Variants in TTC21B observed in about 807,000 individuals in gnomAD.
TTC21B encodes the protein tetratricopeptide repeat protein 21B.
In TTC21B, 127 loss-of-function variants were observed where a neutral mutation model predicts 175.1. The ratio of observed to expected loss-of-function variants is 0.73; its 90% CI spans 0.63 to 0.84. The LOEUF (loss-of-function observed/expected upper bound fraction) is 0.84, where lower values mean the gene tolerates loss of function less well. Ranked by LOEUF, TTC21B falls within the 40% of genes least tolerant of loss-of-function variation. TTC21B has a pLI of 0.00. For missense variants in TTC21B, 1,561 were observed against 1,558.3 expected, an observed-to-expected ratio of 1.00 and a Z score of -0.03; for synonymous variants, 524 against 524.5, an observed-to-expected ratio of 1.00 and a Z score of 0.01.
At chr2:165,942,208 A>G (rs1433188144) in intron 5 of TTC21B, among the ~76,000 whole-genome samples, 4 of 152,194 alleles carry the variant, frequency 2.6e-5, no homozygotes, top group Non-Finnish European at 2.9e-5. Context: ...GACATTAACA[A>G]AAGTCAAGAC....
chr2:165,898,101 G>C lies in TTC21B; in HGVS notation c.2950+585C>G, dbSNP rs534611481. Among the ~76,000 whole-genome samples, 9 of 152,264 alleles carry C rather than the reference G, an allele frequency of 5.9e-5. No individual in the cohort carries two copies. The East Asian group carries it at 1.7e-3, about 29-fold the overall frequency. On this transcript the variant is annotated intron_variant, in intron 22 of 28. Transcript: ENST00000243344. ...GCATAGTAATTGGGAGGGGATGAGA[G>C]TTAAGAGTTGATTTTTATTGACTGA...
At chr2:165,917,583 A>AAGATGGACTGT in intron 13 of TTC21B, 102 bp from the exon 14 acceptor site, 1 of 953,248 alleles carries the variant, frequency 1.0e-6, no homozygotes, top group Non-Finnish European at 1.6e-6. Context: ...AGAACAGTCC[A>AAGATGGACTGT]TCTTTGATTG....
At chr2:165,936,458 G>A (rs1687149049) in intron 6 of TTC21B, among the ~76,000 whole-genome samples, 1 of 151,976 alleles carries the variant, frequency 6.6e-6, no homozygotes, top group Non-Finnish European at 1.5e-5. Flanking sequence ...GAGTTGATAA[G>A]CTGGACTTCA....
In TTC21B at chr2:165,929,311, GA is replaced by G. The variant is rs1379790552; in HGVS notation, c.1209del (p.Ala405ProfsTer2). 6.2e-7 allele frequency: 1 copy of G among 1,609,832 alleles called. No homozygotes were observed. The highest frequency in any genetic ancestry group is 1.3e-5 in the African/African-American group (1 of 74,926). ...TGTCGTTTATTTTTCTTCATGGCAA[GA>G]ACTGCATGTAAATAGATTAATTCCT... ...KSAELIYLHAVLAMKKNKRQE... is the reference protein window; with the variant it reads ...KSAELIYLHAXLAMKKNKRQE... On this transcript the variant is annotated frameshift_variant, in exon 11 of 29. Coordinates refer to ENST00000243344, the MANE Select transcript of TTC21B (RefSeq NM_024753.5). LOFTEE classifies it high-confidence loss of function.
intron 22 of TTC21B, among the ~76,000 whole-genome samples, chr2:165,893,669 T>C (rs1685269922): frequency 6.6e-6 from 1 of 152,094 alleles, no homozygotes; most frequent in Non-Finnish European, 1.5e-5. Context: ...GTGGCAAGCA[T>C]GCAGTGCTAT....
intron 6 of TTC21B, chr2:165,934,622 T>A (rs1326118594): frequency 2.0e-5 from 3 of 149,578 alleles, no homozygotes; most frequent in Non-Finnish European, 3.0e-5. Context: ...AAAAAGCATA[T>A]TTAGAACCAG....
At chr2:165,929,468 G>A in intron 10 of TTC21B, 133 bp from the exon 11 acceptor site, 1 of 930,488 alleles carries the variant, frequency 1.1e-6, no homozygotes, top group Non-Finnish European at 1.6e-6. Flanking sequence ...AGCTTGAATA[G>A]ACTTTTAGAA....
chr2:165,878,999 G>A (rs897800683), intron 27 of TTC21B, among the ~76,000 whole-genome samples: 6 of 151,990 alleles, frequency 3.9e-5, no homozygotes, highest in African/African-American at 1.4e-4. Flanking sequence ...TGATTTTAAG[G>A]GTTTTCTGAC....
At chr2:165,910,838 T>C (rs1250421033) in intron 18 of TTC21B, among the ~76,000 whole-genome samples, 1 of 151,990 alleles carries the variant, frequency 6.6e-6, no homozygotes, top group Non-Finnish European at 1.5e-5. Context: ...AGAGTAACAG[T>C]TTCGCACAGG....
At chr2:165,905,600 G>A (rs1455834324) in intron 19 of TTC21B, among the ~76,000 whole-genome samples, 2 of 152,090 alleles carry the variant, frequency 1.3e-5, no homozygotes, top group Non-Finnish European at 2.9e-5. Context: ...GGAAGATATT[G>A]TAATTCTAAA....
rs759999576 is a variant in TTC21B at position 165,891,000 on chromosome 2, TA to T, written c.2951-13del. ...TGTCATATAATTATCTAGAAACAAATAATACTTCAGATATGGGCACCATTTT... is the reference window on the plus strand; with the variant it reads ...TGTCATATAATTATCTAGAAACAAATATACTTCAGATATGGGCACCATTTT... On this transcript the variant is annotated splice_polypyrimidine_tract_variant and intron_variant, in intron 22 of 28. Coordinates refer to ENST00000243344, the MANE Select transcript of TTC21B (RefSeq NM_024753.5). 1 of 1,605,250 alleles carries T rather than the reference TA, an allele frequency of 6.2e-7. No individual in the cohort carries two copies. Among genetic ancestry groups the T allele is most frequent in the African/African-American group, 1.3e-5 (1 of 74,732 alleles).
chr2:165,931,589 C>G (rs1234645126), intron 8 of TTC21B, among the ~76,000 whole-genome samples, 169 bp downstream of exon 8: 1 of 152,116 alleles, frequency 6.6e-6, no homozygotes, highest in Non-Finnish European at 1.5e-5. Context: ...CAGGTTCTTA[C>G]AGTTGGAAAC....
chr2:165,949,429 G>C lies in TTC21B; in HGVS notation c.227C>G (p.Ala76Gly), dbSNP rs763799286. The C allele has an allele frequency of 5.0e-6, 8 of 1,613,446 alleles. No homozygotes were observed. The East Asian group carries it at 1.6e-4, about 32-fold the overall frequency. The change falls in exon 3 of 29, where the codon GCA becomes GGA. Residue 76 changes from alanine to glycine, a missense_variant. Coordinates refer to ENST00000243344, the MANE Select transcript of TTC21B (RefSeq NM_024753.5). ...KQDVSLCSLLALIYAHKMSPN... is the reference protein window; with the variant it reads ...KQDVSLCSLLGLIYAHKMSPN... ...ACTCATTTTATGGGCATATATCAGT[G>C]CAAGTAGAGAACAAAGTGATACATC...
Position 165,893,770 on chromosome 2 carries a change from A to T in TTC21B, c.2951-2782T>A, listed in dbSNP as rs1685271796. Among the ~76,000 whole-genome samples, 3 of 151,958 alleles carry T rather than the reference A, an allele frequency of 2.0e-5. No homozygotes were observed. The South Asian group carries it at 6.2e-4, about 32-fold the overall frequency. ...AGTTGACCTTTGAGCAGCCTCAAGG[A>T]TAGGAGGAAGATCTTACTAGACGGA... On this transcript the variant is annotated intron_variant, in intron 22 of 28. Transcript: ENST00000243344.
At chr2:165,894,495 T>C (rs933414179) in intron 22 of TTC21B, among the ~76,000 whole-genome samples, 1 of 152,162 alleles carries the variant, frequency 6.6e-6, no homozygotes, top group African/African-American at 2.4e-5. Flanking sequence ...TGTAAGGTAC[T>C]AGTAAGAATA....
intron 11 of TTC21B, among the ~76,000 whole-genome samples, chr2:165,927,276 AT>A (rs1686698968): frequency 9.8e-6 from 1 of 101,852 alleles, no homozygotes; most frequent in African/African-American, 4.1e-5. Context: ...GTAGTTATAT[AT>A]ATATATATCC....
At chr2:165,912,447 A>G in intron 17 of TTC21B, 67 bp downstream of exon 17, 1 of 1,234,894 alleles carries the variant, frequency 8.1e-7, no homozygotes, top group Non-Finnish European at 1.2e-6. Context: ...TGCTCGCTGA[A>G]GCTTCTCGAG....
In TTC21B at chr2:165,917,434, CTT is replaced by C; in HGVS notation, c.1720_1721del (p.Lys574GlufsTer10). The part of the protein sequence containing the change: ...LYHLIKAQSQ[K>X]KMGEIADAIK... ...TTGCGTCTGCTATTTCTCCCATTTT[CTT>C]TTGTGACTGAGCTTTTATCAAATGG... On this transcript the variant is annotated frameshift_variant, in exon 14 of 29. Coordinates refer to ENST00000243344, the MANE Select transcript of TTC21B (RefSeq NM_024753.5). LOFTEE classifies it high-confidence loss of function. 1 of 1,614,056 alleles carries C rather than the reference CTT, an allele frequency of 6.2e-7. No homozygotes were observed. The highest frequency in any genetic ancestry group is 8.5e-7 in the Non-Finnish European group (1 of 1,179,982).
chr2:165,949,736 T>C lies in TTC21B; in HGVS notation c.22-12A>G. 6.2e-7 allele frequency: 1 copy of C among 1,605,710 alleles called. No individual in the cohort carries two copies. Among genetic ancestry groups the C allele is most frequent in the Middle Eastern group, 1.7e-4 (1 of 6,038 alleles). On this transcript the variant is annotated splice_polypyrimidine_tract_variant and intron_variant, in intron 1 of 28. Transcript: ENST00000243344. ...TAATTAATCAAAGTCTAAATGGAAA[T>C]AATGAAAAAATGTTATAAAGGAATT...
Sources: gnomAD v4.1 joint callset for allele counts (sites outside exome capture counted in the v4.1 genomes callset) on GRCh38, gnomAD v4.1.1 for gene constraint, MANE v1.5 for transcripts, NCBI Gene and HGNC (gene_info 2026-07-23, HGNC 2026-07-21) for gene names.